Variants in NOS1 observed in about 807,000 individuals in gnomAD.
The protein encoded by NOS1 is nitric oxide synthase 1.
In NOS1, 51 loss-of-function variants were observed where a neutral mutation model predicts 164.5. The observed-to-expected ratio is 0.31, with a 90% CI of 0.25 to 0.39. The LOEUF (loss-of-function observed/expected upper bound fraction) is 0.39. NOS1 is among the 10% of genes least tolerant of loss of function. The pLI, the probability that NOS1 is intolerant of heterozygous loss-of-function variation, is 1.00. For synonymous variants in NOS1, 719 were observed against 745.8 expected, an observed-to-expected ratio of 0.96 and a Z score of 0.59; for missense variants, 1,362 against 1,885.6, an observed-to-expected ratio of 0.72 and a Z score of 5.14.
intron 1 of NOS1, among the ~76,000 whole-genome samples, 198 bp downstream of exon 1, chr12:117,361,314 C>A (rs1187673810): frequency 6.6e-6 from 1 of 151,914 alleles, no homozygotes. Flanking sequence ...GTAGGAGCCG[C>A]GCGCGTCCCT....
Position 117,306,551 on chromosome 12 carries a change from C to A in NOS1, c.852+4915G>T, listed in dbSNP as rs570079814. Reference sequence around the variant, plus strand: ...CAAGTGTCTCAGGTGTTGTGAGCACCAAAGACAACCTCAGAGAACTAATAA... The same window carrying A: ...CAAGTGTCTCAGGTGTTGTGAGCACAAAAGACAACCTCAGAGAACTAATAA... On this transcript the variant is annotated intron_variant, in intron 3 of 28. Transcript: ENST00000317775. Among the ~76,000 whole-genome samples, 7 of 151,420 alleles carry A rather than the reference C, an allele frequency of 4.6e-5. No individual in the cohort carries two copies. The South Asian group carries it at 1.5e-3, about 32-fold the overall frequency.
intron 3 of NOS1, among the ~76,000 whole-genome samples, chr12:117,297,291 G>C (rs1434987297): frequency 6.6e-6 from 1 of 152,220 alleles, no homozygotes; most frequent in African/African-American, 2.4e-5. Context: ...CTGGAAGCAG[G>C]GAACTGAAGG....
At chr12:117,305,422 T>A (rs1874088211) in intron 3 of NOS1, among the ~76,000 whole-genome samples, 1 of 149,428 alleles carries the variant, frequency 6.7e-6, no homozygotes, top group South Asian at 2.1e-4. Context: ...GGAGATCGCG[T>A]CATTGCACTC....
At chr12:117,252,949 C>T (rs1338472793) in intron 17 of NOS1, among the ~76,000 whole-genome samples, 1 of 152,180 alleles carries the variant, frequency 6.6e-6, no homozygotes, top group Non-Finnish European at 1.5e-5. Flanking sequence ...GGTTTGACAT[C>T]CCTGTTTTCT....
At chr12:117,349,277 T>C (rs953326555) in intron 1 of NOS1, among the ~76,000 whole-genome samples, 3 of 152,270 alleles carry the variant, frequency 2.0e-5, no homozygotes, top group African/African-American at 7.2e-5. Flanking sequence ...TTCATCCATG[T>C]TACAGCATAG....
intron 2 of NOS1, among the ~76,000 whole-genome samples, chr12:117,323,999 A>G (rs1489636823): frequency 6.6e-6 from 1 of 151,496 alleles, no homozygotes; most frequent in Non-Finnish European, 1.5e-5. Flanking sequence ...CATGTTGGCC[A>G]GGCTGACCTC....
chr12:117,330,330 C>CA lies in NOS1; in HGVS notation c.725+14_725+15insT, dbSNP rs1875471596. ...CACACACACACACACACACACACACCCCTGTGGAGCTTACCTGTCCACCTG... is the reference window on the plus strand; with the variant it reads ...CACACACACACACACACACACACACCACCTGTGGAGCTTACCTGTCCACCTG... On this transcript the variant is annotated intron_variant, in intron 2 of 28. Transcript: ENST00000317775. The surrounding 1 kb of genome is among the most constrained non-coding windows in gnomAD (Gnocchi z 4.6). 2.1e-6 allele frequency: 3 copies of CA among 1,462,860 alleles called. No homozygotes were observed. Among genetic ancestry groups the CA allele is most frequent in the South Asian group, 1.3e-5 (1 of 79,366 alleles). The allele number at this position is 1,462,860 out of a possible 1,614,324, so 90.6% of individuals were successfully genotyped here.
chr12:117,361,495 G>T lies in NOS1; in HGVS notation c.-421+17C>A, dbSNP rs1877155689. ...CCCGGCGCAGTGCTGGGCGCCCCGCGCGCGCCCCTGGCTCACCCCGTCCGC... is the reference window on the plus strand; with the variant it reads ...CCCGGCGCAGTGCTGGGCGCCCCGCTCGCGCCCCTGGCTCACCCCGTCCGC... On this transcript the variant is annotated intron_variant, in intron 1 of 28. Coordinates refer to ENST00000317775, the MANE Select transcript of NOS1 (RefSeq NM_000620.5). The T allele has an allele frequency of 6.6e-6, 1 of 151,706 alleles. No individual in the cohort carries two copies. The highest frequency in any genetic ancestry group is 2.4e-5 in the African/African-American group (1 of 41,306). The allele number at this position is 151,706 out of a possible 1,614,324, so 9.4% of individuals were successfully genotyped here.
chr12:117,240,959 A>G (rs566330588), intron 20 of NOS1, among the ~76,000 whole-genome samples: 30 of 117,426 alleles, frequency 2.6e-4, no homozygotes, highest in African/African-American at 8.4e-4. Context: ...TTTTTTTTTG[A>G]GACAGAGTCT....
chr12:117,273,786 A>G (rs1275166019), intron 9 of NOS1, among the ~76,000 whole-genome samples: 1 of 152,180 alleles, frequency 6.6e-6, no homozygotes. Context: ...CCTGAGCTGG[A>G]TCCTATCTTT....
chr12:117,212,916 T>C lies in NOS1; in HGVS notation c.*2393A>G. On this transcript the variant is annotated 3_prime_UTR_variant, in exon 29 of 29. Transcript: ENST00000317775. ...CACATCAGATCGCTCTCCTGCCTTC[T>C]AGCCTGGAGTTGTGAAGCAGCTTGT... 7 of 985,418 alleles carry C rather than the reference T, an allele frequency of 7.1e-6. No homozygotes were observed. The highest frequency in any genetic ancestry group is 8.4e-6 in the Non-Finnish European group (7 of 829,922). 61.0% of individuals were successfully genotyped at this position (985,418 alleles called of 1,614,324 possible). A position where few individuals can be genotyped will look rare whatever the true frequency, so the allele number is the denominator to read the frequency against.
At chr12:117,301,419 C>T (rs1280382090) in intron 3 of NOS1, among the ~76,000 whole-genome samples, 2 of 152,174 alleles carry the variant, frequency 1.3e-5, no homozygotes, top group South Asian at 2.1e-4. Context: ...ATGAGCTACA[C>T]CTGGCCTTCA....
In NOS1 at chr12:117,330,550, G is replaced by T; in HGVS notation, c.520C>A (p.His174Asn). The change falls in exon 2 of 29, where the codon CAT becomes AAT. Residue 174 changes from histidine (H) to asparagine (N), a missense_variant. His to Asn is a moderately conservative substitution (Grantham distance 68). Around this residue, in one of 4 missense-constraint regions of NOS1, gnomAD observed 362 missense variants for 402.0 expected, o/e 0.90. Coordinates refer to ENST00000317775, the MANE Select transcript of NOS1 (RefSeq NM_000620.5). This position sits in a 1 kb window ranked among gnomAD's most constrained non-coding sequence, Gnocchi z 4.6. ...GGCCTGGGGGCCAGGCCGTTGGCAT[G>T]GGGGAGTGAGCCAGCCTCCTGCCCA... The part of the protein sequence containing the change: ...DDGQEAGSLP[H>N]ANGLAPRPPG... 6.2e-7 allele frequency: 1 copy of T among 1,613,686 alleles called. No individual in the cohort carries two copies. The highest frequency in any genetic ancestry group is 8.5e-7 in the Non-Finnish European group (1 of 1,179,980).
chr12:117,302,594 C>CAAAAAAA (rs144113071), intron 3 of NOS1, among the ~76,000 whole-genome samples: 2 of 72,966 alleles, frequency 2.7e-5, no homozygotes, highest in African/African-American at 1.1e-4. Flanking sequence ...GACTCCGTCT[C>CAAAAAAA]AAAAAAAAAA....
At chr12:117,301,383 C>T (rs1873803623) in intron 3 of NOS1, among the ~76,000 whole-genome samples, 1 of 152,228 alleles carries the variant, frequency 6.6e-6, no homozygotes, top group Non-Finnish European at 1.5e-5. Flanking sequence ...CCTGCCTCTG[C>T]CTCCCAAAGT....
chr12:117,221,762 C>T (rs1956709518), intron 26 of NOS1, among the ~76,000 whole-genome samples: 1 of 151,762 alleles, frequency 6.6e-6, no homozygotes, highest in Admixed American at 6.6e-5. Context: ...CCTCCTGCCT[C>T]AGCCTCCCAA....
At chr12:117,259,750 T>C (rs1277048585) in intron 14 of NOS1, among the ~76,000 whole-genome samples, 5 of 152,332 alleles carry the variant, frequency 3.3e-5, no homozygotes, top group Admixed American at 3.3e-4. Flanking sequence ...GTCTATATTC[T>C]ATCCTCGCCT....
chr12:117,305,233 C>A (rs998544285), intron 3 of NOS1, among the ~76,000 whole-genome samples: 4 of 152,048 alleles, frequency 2.6e-5, no homozygotes, highest in Non-Finnish European at 4.4e-5. Context: ...GAGGCCGAGG[C>A]GGGTGGATCA....
At chr12:117,280,657 A>G (rs1230960371) in intron 8 of NOS1, 68 bp downstream of exon 8, 6 of 1,006,828 alleles carry the variant, frequency 6.0e-6, no homozygotes, top group African/African-American at 2.6e-5. Flanking sequence ...ATTAAGCCCG[A>G]AAAAGTCTGT....
Sources: allele counts gnomAD v4.1 joint callset (sites outside exome capture counted in the v4.1 genomes callset), GRCh38; gene constraint gnomAD v4.1.1; regional missense constraint gnomAD v4.1.1; non-coding constraint Gnocchi (gnomAD v3.1); transcripts MANE v1.5; gene names NCBI Gene and HGNC (gene_info 2026-07-23, HGNC 2026-07-21).